The following ANKRD13C variants were observed in gnomAD, a reference collection of about 807,000 sequenced individuals.
ANKRD13C encodes the protein ankyrin repeat domain 13C.
Under a neutral mutation model 65.5 loss-of-function variants are expected in ANKRD13C, and 16 were observed. That is an observed-to-expected ratio of 0.24 (90% CI 0.17 to 0.37). ANKRD13C has a LOEUF of 0.37. Ranked by LOEUF, ANKRD13C falls within the 10% of genes least tolerant of loss-of-function variation. The pLI is 1.00. For synonymous variants in ANKRD13C, 235 were observed against 238.7 expected, an observed-to-expected ratio of 0.98 and a Z score of 0.14; for missense variants, 503 against 655.9, an observed-to-expected ratio of 0.77 and a Z score of 2.55.
At chr1:70,340,359 T>G (rs1558312566) in intron 1 of ANKRD13C, among the ~76,000 whole-genome samples, 1 of 152,238 alleles carries the variant, frequency 6.6e-6, no homozygotes. Flanking sequence ...TATATCTACC[T>G]TTTTAAAAAT....
chr1:70,269,937 T>C (rs1345835559), intron 12 of ANKRD13C, among the ~76,000 whole-genome samples: 2 of 152,128 alleles, frequency 1.3e-5, no homozygotes, highest in Non-Finnish European at 2.9e-5. Flanking sequence ...ATGGATAGTG[T>C]TAAAGGAGCT....
At chr1:70,308,655 C>G (rs975369629) in intron 5 of ANKRD13C, among the ~76,000 whole-genome samples, 48 of 148,650 alleles carry the variant, frequency 3.2e-4, no homozygotes, top group Non-Finnish European at 1.2e-4. Context: ...AGGAGAATGG[C>G]GTGAACCCAG....
rs1221601066 is a variant in ANKRD13C, at chr1:70,354,460, G to C, written c.-52C>G. 5.1e-6 allele frequency: 8 copies of C among 1,556,932 alleles called. No homozygotes were observed. The highest frequency in any genetic ancestry group is 6.9e-6 in the Non-Finnish European group (8 of 1,153,678). ...ATCGGGAGGCTCACCGCTGGCGACG[G>C]AGCTGGCGCTGCGGCGGCACAAGGC... On this transcript the variant is annotated 5_prime_UTR_variant, in exon 1 of 13. Coordinates refer to ENST00000370944, the MANE Select transcript of ANKRD13C (RefSeq NM_030816.5).
intron 2 of ANKRD13C, among the ~76,000 whole-genome samples, chr1:70,333,914 A>G (rs1339608465): frequency 1.3e-5 from 2 of 152,190 alleles, no homozygotes; most frequent in African/African-American, 4.8e-5. Context: ...TAGCCTTTTA[A>G]TGAATACTTC....
chr1:70,332,772 C>T (rs1422641877), intron 2 of ANKRD13C, among the ~76,000 whole-genome samples: 1 of 152,064 alleles, frequency 6.6e-6, no homozygotes, highest in Non-Finnish European at 1.5e-5. Flanking sequence ...GGCTGAAATA[C>T]ATTTTAAAAC....
At position 70,325,453 on chromosome 1, in the gene ANKRD13C, G is replaced by T. The variant is rs554115916; in HGVS notation, c.473-496C>A. ...TCAAATTTTATAATTGTTATGGTTTGGAAAAATGTTCAGAAAAAGGGCAAA... is the reference window on the plus strand; with the variant it reads ...TCAAATTTTATAATTGTTATGGTTTTGAAAAATGTTCAGAAAAAGGGCAAA... On this transcript the variant is annotated intron_variant, in intron 2 of 12. Coordinates refer to ENST00000370944, the MANE Select transcript of ANKRD13C (RefSeq NM_030816.5). Among the ~76,000 whole-genome samples the T allele has an allele frequency of 2.0e-5, 3 of 152,140 alleles. No individual in the cohort carries two copies. In the East Asian group the frequency reaches 5.8e-4, roughly 29 times the overall value.
At chr1:70,326,174 T>C (rs1681529297) in intron 2 of ANKRD13C, among the ~76,000 whole-genome samples, 2 of 127,542 alleles carry the variant, frequency 1.6e-5, no homozygotes, top group African/African-American at 6.0e-5. Context: ...GAGGTTGCAG[T>C]GAGCCGAGAT....
chr1:70,354,571 G>C lies in ANKRD13C; in HGVS notation c.-163C>G. 2 of 1,423,718 alleles carry C rather than the reference G, an allele frequency of 1.4e-6. No homozygotes were observed. The highest frequency in any genetic ancestry group is 1.8e-6 in the Non-Finnish European group (2 of 1,089,784). 88.2% of individuals were successfully genotyped at this position (1,423,718 alleles called of 1,614,324 possible). A position where few individuals can be genotyped will look rare whatever the true frequency, so the allele number is the denominator to read the frequency against. ...TGGGACAAACGCATCTCCCGGGGAA[G>C]AGCCGGCTCTCGCCTAGGCACGAAG... On this transcript the variant is annotated 5_prime_UTR_variant, in exon 1 of 13. Transcript: ENST00000370944.
chr1:70,319,334 G>A (rs186551498), intron 3 of ANKRD13C, among the ~76,000 whole-genome samples: 3 of 152,102 alleles, frequency 2.0e-5, no homozygotes, highest in Non-Finnish European at 4.4e-5. Context: ...ACAGGGGCAC[G>A]GTGGCTCACA....
At chr1:70,320,790 C>A (rs1476502592) in intron 3 of ANKRD13C, among the ~76,000 whole-genome samples, 2 of 151,248 alleles carry the variant, frequency 1.3e-5, no homozygotes, top group Non-Finnish European at 2.9e-5. Flanking sequence ...TAATACTTTA[C>A]TTTTTTCTTT....
intron 2 of ANKRD13C, among the ~76,000 whole-genome samples, chr1:70,330,972 A>C (rs1348805745): frequency 6.6e-6 from 1 of 152,202 alleles, no homozygotes; most frequent in Non-Finnish European, 1.5e-5. Context: ...AATATTAGTC[A>C]ATGGACTCAG....
At chr1:70,335,586 T>C (rs913099815) in intron 2 of ANKRD13C, among the ~76,000 whole-genome samples, 9 of 151,684 alleles carry the variant, frequency 5.9e-5, no homozygotes, top group African/African-American at 2.2e-4. Context: ...TTAAATCACC[T>C]GCCTATAAGG....
intron 9 of ANKRD13C, among the ~76,000 whole-genome samples, chr1:70,279,061 G>T (rs1679265879): frequency 6.6e-6 from 1 of 151,648 alleles, no homozygotes; most frequent in Non-Finnish European, 1.5e-5. Context: ...AAAAAAAGTA[G>T]CCAGGCATGG....
intron 2 of ANKRD13C, 128 bp from the exon 3 acceptor site, chr1:70,325,085 T>G (rs1057512547): frequency 1.7e-6 from 1 of 583,092 alleles, no homozygotes; most frequent in African/African-American, 1.9e-5. Context: ...CATGTAGAAT[T>G]ATGTAATTTG....
At position 70,354,299 on chromosome 1, in the gene ANKRD13C, G is replaced by C. The variant is rs775485313; in HGVS notation, c.110C>G (p.Thr37Ser). The change falls in exon 1 of 13, where the codon ACC becomes AGC. Residue 37 changes from threonine to serine, a missense_variant. This residue lies in a region of ANKRD13C where 203 missense variants were observed against 177.6 expected (regional missense o/e 1.14). Coordinates refer to ENST00000370944, the MANE Select transcript of ANKRD13C (RefSeq NM_030816.5). ...CTTGCCAATCCTGCTTCTGGTAAAG[G>C]TACCGCCGAGGGCAGCCGCCGCTTC... ...DEEAAAALGGTFTRSRIGKGG... is the reference protein window; with the variant it reads ...DEEAAAALGGSFTRSRIGKGG... 6.2e-7 allele frequency: 1 copy of C among 1,613,994 alleles called. No homozygotes were observed. The highest frequency in any genetic ancestry group is 2.2e-5 in the East Asian group (1 of 44,872).
At chr1:70,306,613 C>T (rs1006433754) in intron 5 of ANKRD13C, among the ~76,000 whole-genome samples, 1 of 152,062 alleles carries the variant, frequency 6.6e-6, no homozygotes, top group Non-Finnish European at 1.5e-5. Flanking sequence ...GGTAACTAAA[C>T]CCTCCTGAAT....
chr1:70,349,777 A>G (rs1431753879), intron 1 of ANKRD13C, among the ~76,000 whole-genome samples: 1 of 152,212 alleles, frequency 6.6e-6, no homozygotes, highest in African/African-American at 2.4e-5. Flanking sequence ...AAAAATAAAT[A>G]AATACAAGAA....
Position 70,302,511 on chromosome 1 carries a change from G to A in ANKRD13C, c.777-1603C>T, listed in dbSNP as rs1680409043. On this transcript the variant is annotated intron_variant, in intron 6 of 12. Transcript: ENST00000370944. ...GGAGGCCAAGGCGGGCGGATCACGA[G>A]GTCAGGAGATCGAGACCATCCCGGC... 2.7e-5 allele frequency among the ~76,000 whole-genome samples: 3 copies of A among 111,154 alleles called. 1 individual carries two copies. The highest frequency in any genetic ancestry group is 3.9e-5 in the African/African-American group (1 of 25,392). 72.9% of individuals were successfully genotyped at this position (111,154 alleles called of 152,430 possible). A position where few individuals can be genotyped will look rare whatever the true frequency, so the allele number is the denominator to read the frequency against.
chr1:70,302,496 G>A (rs1370460452), intron 6 of ANKRD13C, among the ~76,000 whole-genome samples: 1 of 110,828 alleles, frequency 9.0e-6, no homozygotes. Context: ...GGAGGCCAAG[G>A]CGGGCGGATC....
Sources: gnomAD v4.1 joint callset for allele counts (sites outside exome capture counted in the v4.1 genomes callset) on GRCh38, gnomAD v4.1.1 for gene constraint, gnomAD v4.1.1 regional missense constraint, MANE v1.5 for transcripts, NCBI Gene and HGNC (gene_info 2026-07-23, HGNC 2026-07-21) for gene names.